Variants in UNC80 observed in about 807,000 individuals in gnomAD.
UNC80 encodes the protein unc-80 subunit of NALCN channel complex.
In UNC80, 164 loss-of-function variants were observed where a neutral mutation model predicts 384.6. The observed-to-expected ratio is 0.43, with a 90% CI of 0.38 to 0.49. The LOEUF is 0.49. Among genes scored for constraint, UNC80 ranks in the 20% least tolerant of loss-of-function variants. The pLI, the probability that UNC80 is intolerant of heterozygous loss-of-function variation, is 0.00. For synonymous variants in UNC80, 1,486 were observed against 1,527.8 expected, an observed-to-expected ratio of 0.97 and a Z score of 0.64; for missense variants, 3,330 against 4,143.0, an observed-to-expected ratio of 0.80 and a Z score of 5.39.
At chr2:209,944,932 A>G (rs2091840383) in intron 45 of UNC80, 119 bp from the exon 46 acceptor site, 1 of 1,176,004 alleles carries the variant, frequency 8.5e-7, no homozygotes, top group African/African-American at 1.5e-5. Flanking sequence ...ATGTAAGCTG[A>G]ATTCCAGGTA....
intron 31 of UNC80, 150 bp downstream of exon 31, chr2:209,914,090 A>T: frequency 1.0e-6 from 1 of 959,452 alleles, no homozygotes; most frequent in Non-Finnish European, 1.5e-6. Flanking sequence ...GCTGTGTGCT[A>T]TAGGAAGGTA....
chr2:209,954,225 C>T lies in UNC80; in HGVS notation c.7412C>T (p.Ala2471Val), dbSNP rs1179213944. 38 of 1,550,726 alleles carry T rather than the reference C, an allele frequency of 2.5e-5. No homozygotes were observed. Among genetic ancestry groups the T allele is most frequent in the African/African-American group, 2.7e-5 (2 of 72,938 alleles). Reference protein sequence around the residue: ...REEIAATAALATSLQALLYSV... With the variant: ...REEIAATAALVTSLQALLYSV... ...GAGATTGCGGCCACTGCTGCTCTTG[C>T]GACGTCCCTACAGGCCCTTTTGTAC... The change falls in exon 48 of 65, where the codon GCG becomes GTG. Residue 2471 changes from alanine (A) to valine (V), a missense_variant. By Grantham distance (64) the Ala-to-Val change is moderately conservative (BLOSUM62 0). This residue lies in a region of UNC80 where 1,049 missense variants were observed against 1,488.6 expected (regional missense o/e 0.70). Transcript: ENST00000673920.
At position 209,831,497 on chromosome 2, in the gene UNC80, A is replaced by C; in HGVS notation, c.2681A>C (p.Gln894Pro). The C allele has an allele frequency of 6.4e-7, 1 of 1,551,366 alleles. No homozygotes were observed. Among genetic ancestry groups the C allele is most frequent in the Non-Finnish European group, 8.7e-7 (1 of 1,146,792 alleles). ...FTTVDNKSTA[Q>P]NVEGIIVSAM... ...ACAGTGGACAACAAATCCACAGCCC[A>C]AAATGTGGAAGGCATTATCGTCAGC... The change falls in exon 16 of 65, where the codon CAA (glutamine) becomes CCA (proline). Residue 894 changes from glutamine (Q) to proline (P), a missense_variant. By Grantham distance (76) the Gln-to-Pro change is moderately conservative. Transcript: ENST00000673920.
At chr2:209,777,065 G>T (rs985028801) in intron 3 of UNC80, among the ~76,000 whole-genome samples, 193 bp from the exon 4 acceptor site, 1 of 152,220 alleles carries the variant, frequency 6.6e-6, no homozygotes, top group East Asian at 1.9e-4. Flanking sequence ...AGCAGTTTCT[G>T]CCCCCATGGC....
chr2:209,784,382 A>G (rs751804834), intron 4 of UNC80, among the ~76,000 whole-genome samples: 35 of 152,160 alleles, frequency 2.3e-4, no homozygotes, highest in African/African-American at 4.8e-4. Context: ...AATAATTGCT[A>G]AAGTCCTTAT....
At chr2:209,785,367 C>T (rs1030926298) in intron 4 of UNC80, among the ~76,000 whole-genome samples, 3 of 152,124 alleles carry the variant, frequency 2.0e-5, no homozygotes, top group Non-Finnish European at 4.4e-5. Flanking sequence ...TACTTTAAAT[C>T]ATAGATAAAC....
At position 209,809,677 on chromosome 2, in the gene UNC80, C is replaced by T. The variant is rs2079190454; in HGVS notation, c.939-3903C>T. ...AGAAGGAAGGAGTACACCATGTCCT[C>T]ATGCCACAGAATTCCCTCCTGAGCG... On this transcript the variant is annotated intron_variant, in intron 7 of 64. Transcript: ENST00000673920. The T allele has an allele frequency of 2.4e-5, 13 of 541,992 alleles. 1 individual carries two copies. The South Asian group carries it at 3.3e-4, about 14-fold the overall frequency. 33.6% of individuals were successfully genotyped at this position (541,992 alleles called of 1,614,324 possible).
At chr2:209,989,324 C>CAAA (rs5838190) in intron 61 of UNC80, among the ~76,000 whole-genome samples, 1 of 140,856 alleles carries the variant, frequency 7.1e-6, no homozygotes, top group Non-Finnish European at 1.5e-5. Context: ...GACTCTGTCT[C>CAAA]AAAAAAAAAA....
At chr2:209,778,210 C>G (rs2076970645) in intron 4 of UNC80, among the ~76,000 whole-genome samples, 1 of 152,116 alleles carries the variant, frequency 6.6e-6, no homozygotes, top group Non-Finnish European at 1.5e-5. Flanking sequence ...CCAGGCCAGC[C>G]TGGCCAACAT....
At position 209,982,273 on chromosome 2, in the gene UNC80, C is replaced by T. The variant is rs1354643216; in HGVS notation, c.9213C>T (p.Ser3071=). Residue 3071 remains serine, a synonymous_variant, in exon 60 of 65, where the codon AGC becomes AGT. Transcript: ENST00000673920. The part of the protein sequence containing the change: ...GRRRFSSHVS[S]MSVPQAEVGM... The stretch of plus-strand genomic sequence containing the variant: ...GGCGATTCTCCAGCCATGTCTCCAG[C>T]ATGTCTGTACCTCAGGCTGAGGTGG... The T allele has an allele frequency of 6.4e-7, 1 of 1,551,532 alleles. No homozygotes were observed. Among genetic ancestry groups the T allele is most frequent in the African/African-American group, 1.4e-5 (1 of 73,048 alleles).
chr2:209,839,137 TATC>T lies in UNC80; in HGVS notation c.3042-82_3042-80del. ...GATCATTTTGCATGATTTGCCTAAA[TATC>T]ATTGACAGGAAGATGAAAGAAATTT... On this transcript the variant is annotated intron_variant, in intron 18 of 64. Transcript: ENST00000673920. This position sits in a 1 kb window ranked among gnomAD's most constrained non-coding sequence, Gnocchi z 4.1. The T allele has an allele frequency of 3.2e-6, 4 of 1,259,244 alleles. No homozygotes were observed. Among genetic ancestry groups the T allele is most frequent in the Non-Finnish European group, 4.4e-6 (4 of 904,890 alleles). The allele number at this position is 1,259,244 out of a possible 1,614,324, so 78.0% of individuals were successfully genotyped here.
In UNC80 at chr2:209,996,731, CCAA is replaced by C. The variant is rs1370167283; in HGVS notation, c.*1139_*1141del. 5 of 152,160 alleles carry C rather than the reference CCAA, an allele frequency of 3.3e-5. No homozygotes were observed. Among genetic ancestry groups the C allele is most frequent in the Non-Finnish European group, 7.4e-5 (5 of 68,016 alleles). 9.4% of individuals were successfully genotyped at this position (152,160 alleles called of 1,614,324 possible). On this transcript the variant is annotated 3_prime_UTR_variant, in exon 65 of 65. Coordinates refer to ENST00000673920, the MANE Select transcript of UNC80 (RefSeq NM_001371986.1). ...TGTAACACTTAGAAGGCTTGTGAGG[CCAA>C]CACCTAGTGTGTTACTGATCCTATG...
In UNC80 at chr2:209,785,323, A is replaced by G. The variant is rs997705193; in HGVS notation, c.601-743A>G. On this transcript the variant is annotated intron_variant, in intron 4 of 64. Transcript: ENST00000673920. ...CAGAATGTCATGTATTTGTACTTATACAATATGATAGCAGAGGATATGCTC... is the reference window on the plus strand; with the variant it reads ...CAGAATGTCATGTATTTGTACTTATGCAATATGATAGCAGAGGATATGCTC... Among the ~76,000 whole-genome samples the G allele has an allele frequency of 3.9e-5, 6 of 152,318 alleles. No individual in the cohort carries two copies. The East Asian group carries it at 9.6e-4, about 24-fold the overall frequency.
At position 209,933,851 on chromosome 2, in the gene UNC80, C is replaced by T. The variant is rs374791576; in HGVS notation, c.6024C>T (p.Thr2008=). 134 of 1,550,980 alleles carry T rather than the reference C, an allele frequency of 8.6e-5. 1 individual carries two copies. The African/African-American group carries it at 1.6e-3, about 19-fold the overall frequency. Residue 2008 remains threonine (T), a synonymous_variant, in exon 39 of 65, where the codon ACC becomes ACT. Coordinates refer to ENST00000673920, the MANE Select transcript of UNC80 (RefSeq NM_001371986.1). ...LVGLIMYFVR[T]PCEWGMDAIS... Reference sequence around the variant, plus strand: ...GATTAATCATGTACTTTGTGCGGACCCCCTGCGAGTGGGGGATGGATGCCA... The same window carrying T: ...GATTAATCATGTACTTTGTGCGGACTCCCTGCGAGTGGGGGATGGATGCCA...
intron 24 of UNC80, among the ~76,000 whole-genome samples, chr2:209,879,302 G>T (rs1389321104): frequency 6.6e-6 from 1 of 152,062 alleles, no homozygotes; most frequent in African/African-American, 2.4e-5. Context: ...GAACTTCCAG[G>T]GGCCCTTCAG....
At chr2:209,823,574 C>G (rs1018137446) in intron 13 of UNC80, among the ~76,000 whole-genome samples, 4 of 152,126 alleles carry the variant, frequency 2.6e-5, no homozygotes, top group Non-Finnish European at 5.9e-5. Context: ...AATTCTCCAC[C>G]TAGAGGGGTG....
Position 209,820,443 on chromosome 2 carries a change from A to T in UNC80, c.2095A>T (p.Ser699Cys). 2 of 1,551,740 alleles carry T rather than the reference A, an allele frequency of 1.3e-6. No homozygotes were observed. Among genetic ancestry groups the T allele is most frequent in the South Asian group, 1.2e-5 (1 of 84,048 alleles). Residue 699 changes from serine (S) to cysteine (C), a missense_variant, in exon 13 of 65, where the codon AGT (serine) becomes TGT (cysteine). Ser to Cys is a moderately radical substitution (Grantham distance 112). Around this residue, in one of 8 missense-constraint regions of UNC80, gnomAD observed 937 missense variants for 1,026.8 expected, o/e 0.91. Transcript: ENST00000673920. ...VPCVEKNRKK[S>C]ENKENETLEK... ...CTGTGTAGAAAAGAATAGAAAGAAG[A>T]GTGAAAACAAGGAAAATGAGACCTT...
At chr2:209,837,821 G>C (rs1050896543) in intron 18 of UNC80, among the ~76,000 whole-genome samples, 3 of 149,664 alleles carry the variant, frequency 2.0e-5, no homozygotes, top group Non-Finnish European at 4.4e-5. Flanking sequence ...GCCCAGGCCA[G>C]AGTGCAGTGG....
intron 31 of UNC80, among the ~76,000 whole-genome samples, chr2:209,917,221 T>G (rs2089621557): frequency 6.6e-6 from 1 of 152,232 alleles, no homozygotes. Context: ...TTATAACCTA[T>G]CATGGAACCT....
Sources: allele counts gnomAD v4.1 joint callset (sites outside exome capture counted in the v4.1 genomes callset), GRCh38; gene constraint gnomAD v4.1.1; regional missense constraint gnomAD v4.1.1; non-coding constraint Gnocchi (gnomAD v3.1); transcripts MANE v1.5; gene names NCBI Gene and HGNC (gene_info 2026-07-23, HGNC 2026-07-21).